ARID5B: variants seen among roughly 807,000 people sequenced by gnomAD.
ARID5B encodes AT-rich interactive domain-containing protein 5B.
Under a neutral mutation model 97.2 loss-of-function variants are expected in ARID5B, and 13 were observed. The observed-to-expected ratio is 0.13, with a 90% confidence interval of 0.09 to 0.21. The LOEUF (loss-of-function observed/expected upper bound fraction) is 0.21, where lower values mean the gene tolerates loss of function less well. Among genes scored for constraint, ARID5B ranks in the 10% least tolerant of loss-of-function variants. The pLI is 1.00. For synonymous variants in ARID5B, 556 were observed against 570.3 expected (o/e 0.97, Z 0.36); for missense variants, 1,210 against 1,465.3 (o/e 0.83, Z 2.84).
At chr10:61,959,438 C>A (rs1002965182) in intron 3 of ARID5B, among the ~76,000 whole-genome samples, 5 of 152,022 alleles carry the variant, frequency 3.3e-5, no homozygotes, top group Non-Finnish European at 7.4e-5. Flanking sequence ...AATCATTATT[C>A]CCCCACCCCA....
intron 3 of ARID5B, among the ~76,000 whole-genome samples, chr10:61,949,653 C>T (rs75629944): frequency 2.6e-5 from 4 of 151,986 alleles, no homozygotes; most frequent in Non-Finnish European, 5.9e-5. Flanking sequence ...CCCCCCCACG[C>T]CCCCACAAAA....
chr10:61,947,288 A>G (rs552492631), intron 3 of ARID5B, among the ~76,000 whole-genome samples: 2 of 73,766 alleles, frequency 2.7e-5, no homozygotes, highest in South Asian at 4.9e-4. Context: ...TTTTTTTTTG[A>G]GACAGGGTCT....
At position 61,991,041 on chromosome 10, in the gene ARID5B, T is replaced by TACACACACACACACACAC. The variant is rs397802272; in HGVS notation, c.503-9035_503-9018dup. On this transcript the variant is annotated intron_variant, in intron 3 of 9. Coordinates refer to ENST00000279873, the MANE Select transcript of ARID5B (RefSeq NM_032199.3). ...AAGTGGAATCACAATATTTATCCTG[T>TACACACACACACACACAC]ACACACACACACACACACACACACA... Among the ~76,000 whole-genome samples, 316 of 145,140 alleles carry TACACACACACACACACAC rather than the reference T, an allele frequency of 2.2e-3. 2 individuals carry two copies. Among genetic ancestry groups the TACACACACACACACACAC allele is most frequent in the African/African-American group, 4.8e-3 (189 of 38,970 alleles).
intron 3 of ARID5B, among the ~76,000 whole-genome samples, chr10:61,957,221 T>C (rs182571148): frequency 3.3e-4 from 50 of 152,350 alleles, no homozygotes; most frequent in Non-Finnish European, 5.4e-4. Context: ...AATAAAAAAC[T>C]GAAGCAGTAT....
intron 3 of ARID5B, among the ~76,000 whole-genome samples, chr10:61,962,427 A>G (rs992412876): frequency 1.3e-5 from 2 of 152,198 alleles, no homozygotes; most frequent in Admixed American, 6.5e-5. Flanking sequence ...TCTCCTAATC[A>G]TTTAAATATG....
At chr10:61,959,366 A>C (rs1488230967) in intron 3 of ARID5B, among the ~76,000 whole-genome samples, 1 of 152,166 alleles carries the variant, frequency 6.6e-6, no homozygotes, top group Non-Finnish European at 1.5e-5. Flanking sequence ...AAGGTAGGGC[A>C]ATTTTATCTA....
chr10:62,017,111 C>T (rs1223795705), intron 4 of ARID5B, among the ~76,000 whole-genome samples: 10 of 152,154 alleles, frequency 6.6e-5, no homozygotes, highest in Non-Finnish European at 1.3e-4. Flanking sequence ...GTATGTGCCT[C>T]GTATGTGTAC....
chr10:61,907,333 G>A (rs1010553196), intron 2 of ARID5B, among the ~76,000 whole-genome samples: 4 of 152,028 alleles, frequency 2.6e-5, no homozygotes, highest in Non-Finnish European at 5.9e-5. Flanking sequence ...TCTTCTCTTT[G>A]GATAGCTCCT....
Position 62,055,369 on chromosome 10 carries a change from C to A in ARID5B, c.847-1748C>A, listed in dbSNP as rs570330783. ...TACCTCCGTTTCCTCATTTCTAATACGAAAATAATAACTACCTCATTCGGG... is the reference window on the plus strand; with the variant it reads ...TACCTCCGTTTCCTCATTTCTAATAAGAAAATAATAACTACCTCATTCGGG... On this transcript the variant is annotated intron_variant, in intron 5 of 9. Coordinates refer to ENST00000279873, the MANE Select transcript of ARID5B (RefSeq NM_032199.3). Among the ~76,000 whole-genome samples, 16 of 152,148 alleles carry A rather than the reference C, an allele frequency of 1.1e-4. No individual in the cohort carries two copies. The East Asian group carries it at 3.1e-3, about 29-fold the overall frequency.
intron 4 of ARID5B, among the ~76,000 whole-genome samples, chr10:62,020,205 C>T (rs1336015397): frequency 6.6e-6 from 1 of 152,148 alleles, no homozygotes; most frequent in African/African-American, 2.4e-5. Flanking sequence ...ATTTTCCAGT[C>T]CTTGCTTATT....
chr10:61,942,504 G>C (rs1206758242), intron 3 of ARID5B, among the ~76,000 whole-genome samples: 1 of 152,158 alleles, frequency 6.6e-6, no homozygotes, highest in Non-Finnish European at 1.5e-5. Flanking sequence ...TGATAAAAAG[G>C]TTCCTGGCCG....
intron 3 of ARID5B, among the ~76,000 whole-genome samples, chr10:61,952,856 G>A (rs950845370): frequency 4.6e-5 from 7 of 152,006 alleles, no homozygotes; most frequent in African/African-American, 9.7e-5. Flanking sequence ...GTGTGTGTGT[G>A]TGTGTGTGTG....
At chr10:62,042,870 G>A (rs1387939868) in intron 4 of ARID5B, among the ~76,000 whole-genome samples, 3 of 148,688 alleles carry the variant, frequency 2.0e-5, no homozygotes, top group African/African-American at 5.0e-5. Context: ...AGCCAAGATC[G>A]CGTCACTGCA....
chr10:62,033,948 T>G (rs1198442058), intron 4 of ARID5B, among the ~76,000 whole-genome samples: 2 of 152,192 alleles, frequency 1.3e-5, no homozygotes, highest in East Asian at 3.8e-4. Context: ...CTCTACTTTC[T>G]TATGAAACTT....
intron 3 of ARID5B, 140 bp from the exon 4 acceptor site, chr10:61,999,951 T>C (rs2132867173): frequency 1.2e-6 from 1 of 821,994 alleles, no homozygotes; most frequent in African/African-American, 1.7e-5. Context: ...GCTGGGAGGA[T>C]GCTGGCATCC....
chr10:61,967,884 C>T (rs908546633), intron 3 of ARID5B, among the ~76,000 whole-genome samples: 2 of 151,980 alleles, frequency 1.3e-5, no homozygotes, highest in African/African-American at 4.8e-5. Context: ...GTTCATATAA[C>T]CTTTTGGTTT....
intron 2 of ARID5B, among the ~76,000 whole-genome samples, chr10:61,904,586 G>A (rs998298353): frequency 1.3e-5 from 2 of 152,106 alleles, no homozygotes; most frequent in African/African-American, 4.8e-5. Context: ...TAAACTCTAG[G>A]GGGTTTGCGG....
rs747097857 is a variant in ARID5B, at chr10:61,902,151, C to T, written c.22-8C>T. On this transcript the variant is annotated splice_region_variant and splice_polypyrimidine_tract_variant and intron_variant, in intron 1 of 9. Transcript: ENST00000279873. ...TTATTTATTTGGTGTTTTTTTCCCC[C>T]CCTGCAGTGGGTCGGCTCACCGTGT... The T allele has an allele frequency of 3.1e-6, 5 of 1,610,820 alleles. No individual in the cohort carries two copies. Among genetic ancestry groups the T allele is most frequent in the Non-Finnish European group, 8.5e-7 (1 of 1,179,304 alleles).
intron 2 of ARID5B, among the ~76,000 whole-genome samples, chr10:61,936,634 T>A (rs569888328): frequency 8.5e-5 from 13 of 152,196 alleles, no homozygotes; most frequent in South Asian, 6.2e-4. Flanking sequence ...TAAATTAATT[T>A]AATTAAATTA....
Sources: allele counts gnomAD v4.1 joint callset (sites outside exome capture counted in the v4.1 genomes callset), GRCh38; gene constraint gnomAD v4.1.1; transcripts MANE v1.5; gene names NCBI Gene and HGNC (gene_info 2026-07-23, HGNC 2026-07-21).